GPM6A: variants seen among roughly 807,000 people sequenced by gnomAD.
GPM6A encodes glycoprotein M6A, also known as neuronal membrane glycoprotein M6-a.
A neutral mutation model predicts 32.1 loss-of-function variants in GPM6A; 7 were observed. The observed-to-expected ratio is 0.22, with a 90% CI of 0.12 to 0.41. GPM6A has a LOEUF of 0.41. Among genes scored for constraint, GPM6A ranks in the 10% least tolerant of loss-of-function variants. The pLI, the probability that GPM6A is intolerant of heterozygous loss-of-function variation, is 1.00. For missense variants in GPM6A, 235 were observed against 347.2 expected, an observed-to-expected ratio of 0.68 and a Z score of 2.57; for synonymous variants, 130 against 123.4, an observed-to-expected ratio of 1.05 and a Z score of -0.35.
intron 1 of GPM6A, among the ~76,000 whole-genome samples, chr4:175,986,117 A>C (rs1740967373): frequency 6.6e-6 from 1 of 152,076 alleles, no homozygotes; most frequent in African/African-American, 2.4e-5. Flanking sequence ...CATTTTATTA[A>C]ATGCATTTTT....
intron 3 of GPM6A, among the ~76,000 whole-genome samples, chr4:175,663,975 A>T (rs79085198): frequency 0.049 from 7,480 of 152,274 alleles, 239 homozygotes; most frequent in South Asian, 0.12. Context: ...TACAGGCATG[A>T]GCCACCGTGC....
intron 1 of GPM6A, among the ~76,000 whole-genome samples, chr4:175,769,017 C>T (rs1230417423): frequency 1.3e-5 from 2 of 152,134 alleles, no homozygotes; most frequent in Non-Finnish European, 1.5e-5. Context: ...ATGGCTTGAA[C>T]CCGGGAGGTG....
intron 1 of GPM6A, among the ~76,000 whole-genome samples, chr4:175,715,290 A>G (rs1745781241): frequency 6.6e-6 from 1 of 152,160 alleles, no homozygotes. Flanking sequence ...GCAGCAATTT[A>G]TTATAATTTC....
intron 1 of GPM6A, among the ~76,000 whole-genome samples, chr4:175,933,352 A>T (rs945370169): frequency 5.3e-5 from 8 of 152,186 alleles, no homozygotes; most frequent in Non-Finnish European, 1.0e-4. Context: ...CACTTCCTGT[A>T]AGTGAAGATA....
intron 1 of GPM6A, among the ~76,000 whole-genome samples, chr4:175,935,765 T>A (rs1346195639): frequency 6.6e-6 from 1 of 152,088 alleles, no homozygotes; most frequent in Non-Finnish European, 1.5e-5. Context: ...AAAAATTTTA[T>A]AATTTTATAA....
At chr4:175,880,340 T>C (rs1246983097) in intron 1 of GPM6A, among the ~76,000 whole-genome samples, 1 of 152,204 alleles carries the variant, frequency 6.6e-6, no homozygotes, top group Non-Finnish European at 1.5e-5. Flanking sequence ...AGCTTTGTTC[T>C]TTTGGCTTAG....
intron 1 of GPM6A, among the ~76,000 whole-genome samples, chr4:175,806,387 A>G (rs1579523379): frequency 6.6e-6 from 1 of 152,234 alleles, no homozygotes; most frequent in African/African-American, 2.4e-5. Context: ...TTAATGAAGT[A>G]ACTATATCAA....
chr4:175,732,635 TG>T (rs1179035669), intron 1 of GPM6A, among the ~76,000 whole-genome samples: 2 of 152,162 alleles, frequency 1.3e-5, no homozygotes, highest in Non-Finnish European at 2.9e-5. Context: ...GAGAATTCTT[TG>T]AGATGAAAAT....
intron 1 of GPM6A, among the ~76,000 whole-genome samples, chr4:175,741,542 C>T (rs13122941): frequency 0.16 from 24,800 of 152,014 alleles, 2,331 homozygotes; most frequent in Non-Finnish European, 0.2. Flanking sequence ...CCTCATCTTC[C>T]ATCAGGATCT....
chr4:175,657,808 A>C (rs1742173783), intron 3 of GPM6A, among the ~76,000 whole-genome samples: 1 of 152,104 alleles, frequency 6.6e-6, no homozygotes, highest in Non-Finnish European at 1.5e-5. Context: ...AAAATGTCTC[A>C]ATTTTCCTGA....
intron 3 of GPM6A, among the ~76,000 whole-genome samples, chr4:175,665,415 T>A (rs960358126): frequency 1.3e-5 from 2 of 151,892 alleles, no homozygotes; most frequent in South Asian, 2.1e-4. Flanking sequence ...TAAAAAAAAA[T>A]AAAATCGAGC....
intron 1 of GPM6A, among the ~76,000 whole-genome samples, chr4:175,955,191 C>T (rs910698167): frequency 2.0e-5 from 3 of 152,234 alleles, no homozygotes; most frequent in African/African-American, 7.2e-5. Flanking sequence ...AGATGAGAAG[C>T]AATTCCATCT....
At chr4:175,986,898 A>G (rs192317809) in intron 1 of GPM6A, among the ~76,000 whole-genome samples, 12 of 152,252 alleles carry the variant, frequency 7.9e-5, no homozygotes, top group Admixed American at 7.9e-4. Context: ...TGAATACCTC[A>G]TGCTTTTTTC....
chr4:175,674,817 C>T (rs1743273663), intron 2 of GPM6A, among the ~76,000 whole-genome samples: 1 of 151,800 alleles, frequency 6.6e-6, no homozygotes, highest in Admixed American at 6.6e-5. Flanking sequence ...AGAATTGGAT[C>T]TGAGCCAAGA....
At chr4:175,646,826 A>C (rs1741488245) in intron 4 of GPM6A, among the ~76,000 whole-genome samples, 1 of 152,168 alleles carries the variant, frequency 6.6e-6, no homozygotes, top group Non-Finnish European at 1.5e-5. Context: ...ACTCTCATTC[A>C]TGGTTACCTC....
chr4:175,761,914 C>A (rs950364359), intron 1 of GPM6A, among the ~76,000 whole-genome samples: 1 of 151,996 alleles, frequency 6.6e-6, no homozygotes, highest in Non-Finnish European at 1.5e-5. Flanking sequence ...CCTGCCTCAG[C>A]CTTCCAAGTA....
chr4:175,637,629 ATATATAT>A (rs1468129077), intron 6 of GPM6A, among the ~76,000 whole-genome samples: 9 of 26,764 alleles, frequency 3.4e-4, no homozygotes, highest in East Asian at 3.3e-3. Flanking sequence ...TATATATTAT[ATATATAT>A]TATATATTAT....
intron 1 of GPM6A, among the ~76,000 whole-genome samples, chr4:175,740,219 T>C (rs1731836937): frequency 6.6e-6 from 1 of 151,994 alleles, no homozygotes; most frequent in Non-Finnish European, 1.5e-5. Context: ...TAGTCCAATA[T>C]AGAAATTGTA....
rs556623214 is a variant in GPM6A at position 175,782,550 on chromosome 4, C to T, written c.37+29641G>A. On this transcript the variant is annotated intron_variant, in intron 1 of 6. Transcript: ENST00000393658. ...TGTTCATCATTGTTTTCTTGATGGT[C>T]CTTTTTAATACAATGCGGCAAATTA... Among the ~76,000 whole-genome samples the T allele has an allele frequency of 2.0e-4, 30 of 152,128 alleles. No homozygotes were observed. In the South Asian group the frequency reaches 2.9e-3, roughly 15 times the overall value.
Sources: allele counts gnomAD v4.1 joint callset (sites outside exome capture counted in the v4.1 genomes callset), GRCh38; gene constraint gnomAD v4.1.1; transcripts MANE v1.5; gene names NCBI Gene and HGNC (gene_info 2026-07-23, HGNC 2026-07-21).